The following CFAP299 variants were observed in gnomAD, a reference collection of about 807,000 sequenced individuals.
CFAP299 encodes cilia and flagella associated protein 299, also known as cilia- and flagella-associated protein 299.
CFAP299 carries 21 observed loss-of-function variants against 27.0 expected under a neutral mutation model. That is an observed-to-expected ratio of 0.78 (90% CI 0.55 to 1.12). CFAP299 has a LOEUF of 1.12. CFAP299 is among the 50% of genes most tolerant of loss of function. The pLI, the probability that CFAP299 is intolerant of heterozygous loss-of-function variation, is 0.00. For synonymous variants in CFAP299, 104 were observed against 98.1 expected, an observed-to-expected ratio of 1.06 and a Z score of -0.36; for missense variants, 310 against 276.6, an observed-to-expected ratio of 1.12 and a Z score of -0.86.
intron 2 of CFAP299, among the ~76,000 whole-genome samples, chr4:80,498,129 A>G (rs1731554542): frequency 6.6e-6 from 1 of 152,206 alleles, no homozygotes; most frequent in Admixed American, 6.5e-5. Flanking sequence ...TGAAATCTAA[A>G]ACTATAAAAA....
chr4:80,917,332 G>A (rs1420452261), intron 4 of CFAP299, among the ~76,000 whole-genome samples: 5 of 152,048 alleles, frequency 3.3e-5, no homozygotes, highest in African/African-American at 1.2e-4. Context: ...TAGTTCAGTT[G>A]TTTTACAAAT....
chr4:80,336,667 T>C (rs894890046), intron 1 of CFAP299: 3 of 152,180 alleles, frequency 2.0e-5, no homozygotes, highest in Admixed American at 2.0e-4. Context: ...GCTAGGAAGC[T>C]GGGAGGCGGA....
chr4:80,717,181 GT>G (rs954215081), intron 3 of CFAP299, among the ~76,000 whole-genome samples: 2 of 152,208 alleles, frequency 1.3e-5, no homozygotes, highest in East Asian at 3.9e-4. Context: ...TGAAAAAAAT[GT>G]GATGAATACT....
At chr4:80,688,109 G>C (rs1300131451) in intron 3 of CFAP299, among the ~76,000 whole-genome samples, 1 of 152,236 alleles carries the variant, frequency 6.6e-6, no homozygotes, top group Non-Finnish European at 1.5e-5. Flanking sequence ...AGCGAGGCTG[G>C]GGGAGGGGCG....
At chr4:80,710,836 G>C (rs1722119526) in intron 3 of CFAP299, among the ~76,000 whole-genome samples, 1 of 151,958 alleles carries the variant, frequency 6.6e-6, no homozygotes, top group African/African-American at 2.4e-5. Context: ...TGATTATTGG[G>C]CTCCTTTTTT....
intron 2 of CFAP299, among the ~76,000 whole-genome samples, chr4:80,558,361 TG>T (rs1262103226): frequency 0.013 from 1,839 of 140,022 alleles, 65 homozygotes; most frequent in African/African-American, 0.043. Flanking sequence ...TTTGTTTGTT[TG>T]TTTGTTTTTT....
intron 3 of CFAP299, among the ~76,000 whole-genome samples, chr4:80,783,173 A>T (rs1337563565): frequency 1.3e-5 from 2 of 152,212 alleles, no homozygotes; most frequent in South Asian, 2.1e-4. Context: ...CTTGACTGAG[A>T]CTCTAGTATC....
chr4:80,439,794 T>A (rs912628722), intron 2 of CFAP299, among the ~76,000 whole-genome samples: 6 of 152,102 alleles, frequency 3.9e-5, no homozygotes, highest in Non-Finnish European at 7.4e-5. Context: ...CAAGCTAAGA[T>A]CCACTGGCGG....
intron 2 of CFAP299, among the ~76,000 whole-genome samples, chr4:80,549,210 T>A (rs752199568): frequency 6.6e-6 from 1 of 152,066 alleles, no homozygotes; most frequent in Non-Finnish European, 1.5e-5. Context: ...TATTCTGGCT[T>A]CAGTAAGGAA....
chr4:80,707,314 G>C (rs1721880621), intron 3 of CFAP299, among the ~76,000 whole-genome samples: 1 of 151,976 alleles, frequency 6.6e-6, no homozygotes, highest in Admixed American at 6.6e-5. Flanking sequence ...ATCAAAAGAA[G>C]AAGAATATTT....
chr4:80,937,302 T>C (rs1390421300), intron 4 of CFAP299, among the ~76,000 whole-genome samples: 268 of 139,836 alleles, frequency 1.9e-3, no homozygotes, highest in Middle Eastern at 7.4e-3. Context: ...TTTTTTCTTT[T>C]TTTTTCTTTC....
intron 3 of CFAP299, among the ~76,000 whole-genome samples, chr4:80,672,853 C>T (rs1741578858): frequency 6.6e-6 from 1 of 151,548 alleles, no homozygotes; most frequent in African/African-American, 2.4e-5. Context: ...GGTGATATCC[C>T]CTTTGTCATT....
At chr4:80,934,669 A>C (rs1010585489) in intron 4 of CFAP299, among the ~76,000 whole-genome samples, 1 of 151,672 alleles carries the variant, frequency 6.6e-6, no homozygotes, top group African/African-American at 2.4e-5. Context: ...TGGTTTATCC[A>C]ATTTGTTGGT....
At chr4:80,912,854 G>A (rs1349336995) in intron 4 of CFAP299, among the ~76,000 whole-genome samples, 1 of 152,134 alleles carries the variant, frequency 6.6e-6, no homozygotes, top group Non-Finnish European at 1.5e-5. Context: ...GAACCCAGAG[G>A]CCTGAGTCTG....
intron 3 of CFAP299, chr4:80,790,591 G>A (rs1727503442): frequency 2.6e-5 from 4 of 151,942 alleles, no homozygotes; most frequent in Admixed American, 2.6e-4. Flanking sequence ...TTTTCATCAG[G>A]TAAGGATACA....
intron 3 of CFAP299, among the ~76,000 whole-genome samples, chr4:80,798,160 C>A (rs1056687728): frequency 2.6e-5 from 4 of 152,012 alleles, no homozygotes; most frequent in Non-Finnish European, 5.9e-5. Flanking sequence ...GCCTCTGGGG[C>A]CCACCTAGAC....
At chr4:80,404,970 C>T (rs1170953152) in intron 2 of CFAP299, among the ~76,000 whole-genome samples, 1 of 152,050 alleles carries the variant, frequency 6.6e-6, no homozygotes, top group Admixed American at 6.6e-5. Context: ...TAATAGTAAC[C>T]ATTCTGATGG....
chr4:80,393,111 T>A (rs1560545354), intron 2 of CFAP299, among the ~76,000 whole-genome samples: 2 of 152,148 alleles, frequency 1.3e-5, no homozygotes, highest in African/African-American at 4.8e-5. Flanking sequence ...AATGTTTATG[T>A]CTTAGTTTTT....
intron 2 of CFAP299, among the ~76,000 whole-genome samples, chr4:80,435,277 G>T (rs942583513): frequency 6.6e-6 from 1 of 152,140 alleles, no homozygotes; most frequent in Non-Finnish European, 1.5e-5. Context: ...AAACAAAATG[G>T]CTCAGATAGC....
Sources: allele counts gnomAD v4.1 joint callset (sites outside exome capture counted in the v4.1 genomes callset), GRCh38; gene constraint gnomAD v4.1.1; transcripts MANE v1.5; gene names NCBI Gene and HGNC (gene_info 2026-07-23, HGNC 2026-07-21).